Variants in DNASE1 observed in about 807,000 individuals in gnomAD.
DNASE1 encodes deoxyribonuclease-1.
Under a neutral mutation model 33.9 loss-of-function variants are expected in DNASE1, and 40 were observed. The observed-to-expected ratio is 1.18, with a 90% CI of 0.92 to 1.54. The LOEUF is 1.54. DNASE1 is among the 40% of genes most tolerant of loss of function. The probability of loss-of-function intolerance (pLI) is 0.00; values close to 1 mark genes in which losing one functional copy is unlikely to be tolerated. For missense variants in DNASE1, 518 were observed against 372.6 expected (o/e 1.39, Z -3.21); for synonymous variants, 216 against 160.0 (o/e 1.35, Z -2.64).
intron 1 of DNASE1, among the ~76,000 whole-genome samples, chr16:3,616,704 T>G (rs1054579630): frequency 6.6e-6 from 1 of 152,166 alleles, no homozygotes; most frequent in African/African-American, 2.4e-5. Context: ...AATAGCCACT[T>G]TGTTCTTTTT....
chr16:3,627,409 C>A (rs952030931), intron 1 of DNASE1, among the ~76,000 whole-genome samples: 1 of 151,850 alleles, frequency 6.6e-6, no homozygotes, highest in Non-Finnish European at 1.5e-5. Context: ...GAGTATGGGA[C>A]TATGGGTGTG....
chr16:3,640,431 C>T (rs1410242713), upstream of DNASE1, among the ~76,000 whole-genome samples: 1 of 152,218 alleles, frequency 6.6e-6, no homozygotes, highest in Non-Finnish European at 1.5e-5. Context: ...GCCTGCGCTG[C>T]AGCCTGGAAC....
At chr16:3,655,544 C>T (rs759518571) in intron 2 of DNASE1, 24 bp downstream of exon 2, 3 of 1,613,726 alleles carry the variant, frequency 1.9e-6, no homozygotes, top group African/African-American at 2.7e-5. Context: ...AGCCTCCCCC[C>T]AAAAGCAGAG....
At chr16:3,647,746 G>A (rs545532998) in intron 1 of DNASE1, among the ~76,000 whole-genome samples, 3 of 152,286 alleles carry the variant, frequency 2.0e-5, no homozygotes, top group African/African-American at 7.2e-5. Context: ...GCTCACACCT[G>A]TAATCCCAGC....
chr16:3,634,542 G>A (rs1223224099), intron 1 of DNASE1, among the ~76,000 whole-genome samples: 1 of 151,858 alleles, frequency 6.6e-6, no homozygotes, highest in Non-Finnish European at 1.5e-5. Context: ...CAGGGTCTTG[G>A]TCTGTCGTCC....
chr16:3,658,879 C>T, downstream of DNASE1: 1 of 1,613,912 alleles, frequency 6.2e-7, no homozygotes, highest in Non-Finnish European at 8.5e-7. Flanking sequence ...CAACACAGAA[C>T]CCACCAGAAA....
Position 3,663,434 on chromosome 16 carries a change from G to A in DNASE1, c.*5481G>A, listed in dbSNP as rs1259433982. On this transcript the variant is annotated 3_prime_UTR_variant, in exon 10 of 10. Coordinates refer to the DNASE1 transcript ENST00000407479. ...GCAGGGGATGCCGACCTGGGGACCTGTCCTCAAACTTCTCCTCCTTGTAGT... is the reference window on the plus strand; with the variant it reads ...GCAGGGGATGCCGACCTGGGGACCTATCCTCAAACTTCTCCTCCTTGTAGT... 3 of 1,614,074 alleles carry A rather than the reference G, an allele frequency of 1.9e-6. No homozygotes were observed. The Admixed American group carries it at 5.0e-5, about 27-fold the overall frequency.
At chr16:3,626,442 T>C (rs749237466) in intron 1 of DNASE1, among the ~76,000 whole-genome samples, 2 of 152,216 alleles carry the variant, frequency 1.3e-5, no homozygotes, top group African/African-American at 4.8e-5. Context: ...GAGAGTTCCC[T>C]CATTTTTCTG....
chr16:3,614,690 G>T (rs1279363850), intron 1 of DNASE1, among the ~76,000 whole-genome samples: 1 of 152,176 alleles, frequency 6.6e-6, no homozygotes, highest in Non-Finnish European at 1.5e-5. Flanking sequence ...ATGCTCCCAA[G>T]TAAGTTGTTT....
chr16:3,662,354 G>A (rs958919938), downstream of DNASE1: 9 of 619,478 alleles, frequency 1.5e-5, no homozygotes, highest in African/African-American at 1.1e-4. Context: ...CACCACCCTG[G>A]TGCCCCGCTG....
intron 1 of DNASE1, among the ~76,000 whole-genome samples, chr16:3,615,395 C>T (rs2041066046): frequency 6.6e-6 from 1 of 152,180 alleles, no homozygotes; most frequent in Non-Finnish European, 1.5e-5. Context: ...GTGACTGTTA[C>T]TCCAGCAGAA....
At chr16:3,652,846 T>G (rs1361608197), upstream of DNASE1, 1 of 152,324 alleles carries the variant, frequency 6.6e-6, no homozygotes, top group African/African-American at 2.4e-5. Flanking sequence ...AGACCCCATT[T>G]GTATTCATTT....
upstream of DNASE1, chr16:3,650,974 T>C (rs1301972676): frequency 6.6e-6 from 1 of 152,232 alleles, no homozygotes; most frequent in Non-Finnish European, 1.5e-5. Context: ...CAGAGTATCA[T>C]TGCTTCCTTC....
intron 3 of DNASE1, 66 bp from the exon 4 acceptor site, chr16:3,656,036 G>A (rs1002955404): frequency 7.4e-6 from 12 of 1,610,946 alleles, no homozygotes; most frequent in Middle Eastern, 3.3e-4. Context: ...GCACAGCCTC[G>A]CTATCGGCAG....
At chr16:3,636,697 G>A (rs920265175) in intron 1 of DNASE1, among the ~76,000 whole-genome samples, 4 of 152,198 alleles carry the variant, frequency 2.6e-5, no homozygotes, top group East Asian at 1.9e-4. Flanking sequence ...GCACACGCCC[G>A]TAATCCCAGC....
At chr16:3,637,576 C>A (rs1480157738) in intron 1 of DNASE1, among the ~76,000 whole-genome samples, 3 of 152,186 alleles carry the variant, frequency 2.0e-5, no homozygotes, top group Non-Finnish European at 4.4e-5. Context: ...TTGGGTCAAC[C>A]TTTCCCTTAG....
At chr16:3,616,418 C>T (rs777224061) in intron 1 of DNASE1, among the ~76,000 whole-genome samples, 5 of 152,134 alleles carry the variant, frequency 3.3e-5, no homozygotes, top group African/African-American at 1.2e-4. Context: ...GTCAGGAGTT[C>T]GAGACCAGCC....
downstream of DNASE1, chr16:3,658,900 G>C (rs767542625): frequency 1.2e-6 from 2 of 1,608,370 alleles, no homozygotes; most frequent in Non-Finnish European, 8.5e-7. Flanking sequence ...AAGCAGCTCA[G>C]TACCACGTGC....
rs150621329 is a variant in DNASE1 at position 3,656,715 on chromosome 16, G to C, written c.398G>C (p.Arg133Pro). ...CCCTGCGGGAACGACACCTTCAACC[G>C]AGAGCCAGCCATTGTCAGGTTCTTC... Reference protein sequence around the residue: ...CEPCGNDTFNREPAIVRFFSR... With the variant: ...CEPCGNDTFNPEPAIVRFFSR... Residue 133 changes from arginine to proline, a missense_variant, in exon 5 of 9, where the codon CGA (arginine) becomes CCA (proline). Coordinates refer to ENST00000246949, the MANE Select transcript of DNASE1 (RefSeq NM_005223.4). 1.2e-6 allele frequency: 2 copies of C among 1,612,648 alleles called. No individual in the cohort carries two copies. Among genetic ancestry groups the C allele is most frequent in the Admixed American group, 1.7e-5 (1 of 59,948 alleles).
Sources: gnomAD v4.1 joint callset for allele counts (sites outside exome capture counted in the v4.1 genomes callset) on GRCh38, gnomAD v4.1.1 for gene constraint, MANE v1.5 for transcripts, NCBI Gene and HGNC (gene_info 2026-07-23, HGNC 2026-07-21) for gene names.